The following ANGPT1 variants were observed in gnomAD, a reference collection of about 807,000 sequenced individuals.
ANGPT1 encodes angiopoietin 1.
A neutral mutation model predicts 62.2 loss-of-function variants in ANGPT1; 17 were observed. The observed-to-expected ratio is 0.27, with a 90% confidence interval of 0.19 to 0.41. The LOEUF (loss-of-function observed/expected upper bound fraction) is 0.41. Ranked by LOEUF, ANGPT1 falls within the 10% of genes least tolerant of loss-of-function variation. ANGPT1 has a pLI of 1.00. For missense variants in ANGPT1, 478 were observed against 594.9 expected (o/e 0.80, Z 2.04); for synonymous variants, 199 against 198.9 (o/e 1.00, Z 0.00).
chr8:107,349,249 T>G lies in ANGPT1; in HGVS notation c.298-2152A>C, dbSNP rs1402244099. 2.0e-5 allele frequency among the ~76,000 whole-genome samples: 3 copies of G among 152,240 alleles called. No individual in the cohort carries two copies. The East Asian group carries it at 5.8e-4, about 29-fold the overall frequency. On this transcript the variant is annotated intron_variant, in intron 1 of 8. Transcript: ENST00000517746. ...TTTTGAGCACCTGGACCTAGCTATA[T>G]TTTTAGCTAGTTCCACCCTTGGACA... is the stretch of plus-strand genomic sequence containing the variant.
intron 1 of ANGPT1, among the ~76,000 whole-genome samples, chr8:107,365,079 T>TGTA (rs112235131): frequency 0.018 from 2,804 of 152,282 alleles, 103 homozygotes; most frequent in African/African-American, 0.063. Context: ...CATCACCTTA[T>TGTA]GTAGTACACA....
intron 1 of ANGPT1, among the ~76,000 whole-genome samples, chr8:107,474,220 C>G (rs1812447113): frequency 7.0e-6 from 1 of 141,944 alleles, no homozygotes. Flanking sequence ...CCAGCAACAT[C>G]AAAAAGCTTA....
intron 1 of ANGPT1, among the ~76,000 whole-genome samples, chr8:107,396,881 T>C (rs533536879): frequency 6.6e-5 from 10 of 152,048 alleles, no homozygotes; most frequent in African/African-American, 2.4e-4. Flanking sequence ...TCCTACTATT[T>C]TATGAGATTG....
intron 1 of ANGPT1, among the ~76,000 whole-genome samples, chr8:107,385,848 G>A (rs763020946): frequency 1.3e-5 from 2 of 152,136 alleles, no homozygotes; most frequent in South Asian, 2.1e-4. Flanking sequence ...AAGCCATGTT[G>A]TATTGTATCA....
At chr8:107,399,170 C>T (rs1816994300) in intron 1 of ANGPT1, among the ~76,000 whole-genome samples, 1 of 152,066 alleles carries the variant, frequency 6.6e-6, no homozygotes, top group African/African-American at 2.4e-5. Flanking sequence ...AACTTTAGGC[C>T]TGAAGTCCTC....
chr8:107,497,346 A>T lies in ANGPT1; in HGVS notation c.213T>A (p.Ala71=), dbSNP rs551570806. 11 of 1,614,170 alleles carry T rather than the reference A, an allele frequency of 6.8e-6. No homozygotes were observed. The highest frequency in any genetic ancestry group is 1.3e-5 in the African/African-American group (1 of 75,052). ...QYNTNALQRD[A]PHVEPDFSSQ... Reference sequence around the variant, plus strand: ...AAGAGAAATCCGGTTCCACGTGTGGAGCATCTCTCTGCAGAGCGTTTGTGT... The same window carrying T: ...AAGAGAAATCCGGTTCCACGTGTGGTGCATCTCTCTGCAGAGCGTTTGTGT... Residue 71 remains alanine, a synonymous_variant, in exon 1 of 9, where the codon GCT becomes GCA. Transcript: ENST00000517746.
chr8:107,440,755 T>C (rs1204459774), intron 1 of ANGPT1, among the ~76,000 whole-genome samples: 1 of 152,234 alleles, frequency 6.6e-6, no homozygotes. Flanking sequence ...TAGAAATATT[T>C]CCTCACTTTA....
intron 5 of ANGPT1, among the ~76,000 whole-genome samples, chr8:107,295,716 C>A (rs910210586): frequency 7.9e-5 from 12 of 152,052 alleles, no homozygotes; most frequent in African/African-American, 2.7e-4. Context: ...GTTTTGGACA[C>A]CTTAGCCTTT....
intron 1 of ANGPT1, among the ~76,000 whole-genome samples, chr8:107,495,831 C>A (rs1285146121): frequency 6.6e-6 from 1 of 152,078 alleles, no homozygotes; most frequent in Non-Finnish European, 1.5e-5. Context: ...TTGTAAAAAA[C>A]CTGAGAGTTC....
intron 1 of ANGPT1, among the ~76,000 whole-genome samples, chr8:107,416,781 C>G (rs141873254): frequency 1.4e-5 from 2 of 147,970 alleles, no homozygotes; most frequent in African/African-American, 2.5e-5. Context: ...GACCTACAGA[C>G]AAGGTGGGTC....
rs1025139562 is a variant in ANGPT1, at chr8:107,497,685, G to A, written c.-127C>T. ...TGACTCTTTCCCCCTCAAAGAAAGC[G>A]TTTGAAGAAGAATCATAGAAAACTA... On this transcript the variant is annotated 5_prime_UTR_variant, in exon 1 of 9. The change creates a new upstream start codon in the 5' untranslated region. Transcript: ENST00000517746. 6 of 1,054,378 alleles carry A rather than the reference G, an allele frequency of 5.7e-6. No individual in the cohort carries two copies. Among genetic ancestry groups the A allele is most frequent in the Admixed American group, 6.2e-5 (2 of 32,150 alleles). The allele number at this position is 1,054,378 out of a possible 1,614,324, so 65.3% of individuals were successfully genotyped here. A position where few individuals can be genotyped will look rare whatever the true frequency, so the allele number is the denominator to read the frequency against.
At chr8:107,295,576 T>C (rs1185402025) in intron 5 of ANGPT1, 1 of 152,096 alleles carries the variant, frequency 6.6e-6, no homozygotes, top group Non-Finnish European at 1.5e-5. Flanking sequence ...GAGTTCACAA[T>C]TTTCAGCTCT....
chr8:107,476,115 G>T (rs1049697129), intron 1 of ANGPT1, among the ~76,000 whole-genome samples: 4 of 152,074 alleles, frequency 2.6e-5, no homozygotes, highest in African/African-American at 9.7e-5. Flanking sequence ...AAATCATGCT[G>T]CTATAAAGAC....
chr8:107,273,059 G>T (rs16875983), intron 7 of ANGPT1, among the ~76,000 whole-genome samples: 19,597 of 151,980 alleles, frequency 0.13, 1,297 homozygotes, highest in East Asian at 0.26. Context: ...GTGCCTAAAA[G>T]ACCAGGCCAA....
chr8:107,425,988 A>C (rs1002662445), intron 1 of ANGPT1, among the ~76,000 whole-genome samples: 25 of 152,194 alleles, frequency 1.6e-4, no homozygotes, highest in Non-Finnish European at 3.4e-4. Flanking sequence ...GAAAATGAAA[A>C]CAAAATTACA....
intron 1 of ANGPT1, among the ~76,000 whole-genome samples, chr8:107,409,412 A>C (rs1817214386): frequency 6.6e-6 from 1 of 152,148 alleles, no homozygotes; most frequent in Non-Finnish European, 1.5e-5. Context: ...AATGGGACTC[A>C]GGCCAGTTGG....
At chr8:107,408,204 T>C (rs1290118492) in intron 1 of ANGPT1, among the ~76,000 whole-genome samples, 1 of 152,188 alleles carries the variant, frequency 6.6e-6, no homozygotes, top group Non-Finnish European at 1.5e-5. Context: ...CTTTCAGAGG[T>C]GTTTTTCCAT....
At chr8:107,425,614 C>T (rs1811020303) in intron 1 of ANGPT1, among the ~76,000 whole-genome samples, 1 of 152,280 alleles carries the variant, frequency 6.6e-6, no homozygotes, top group Non-Finnish European at 1.5e-5. Flanking sequence ...GTCATAGAAA[C>T]TAAATCCCTT....
chr8:107,377,083 T>A (rs1816544612), intron 1 of ANGPT1, among the ~76,000 whole-genome samples: 1 of 152,166 alleles, frequency 6.6e-6, no homozygotes, highest in African/African-American at 2.4e-5. Flanking sequence ...GAAGCTTAAA[T>A]GATGCAATAT....
Sources: gnomAD v4.1 joint callset for allele counts (sites outside exome capture counted in the v4.1 genomes callset) on GRCh38, gnomAD v4.1.1 for gene constraint, MANE v1.5 for transcripts, NCBI Gene and HGNC (gene_info 2026-07-23, HGNC 2026-07-21) for gene names.